DYM: variants seen among roughly 807,000 people sequenced by gnomAD.
DYM encodes the protein dymeclin.
DYM carries 78 observed loss-of-function variants against 93.1 expected under a neutral mutation model. The ratio of observed to expected loss-of-function variants is 0.84; its 90% CI spans 0.70 to 1.01. The LOEUF is 1.01. Among genes scored for constraint, DYM ranks in the 50% least tolerant of loss-of-function variants. The probability of loss-of-function intolerance (pLI) is 0.00; values close to 1 mark genes in which losing one functional copy is unlikely to be tolerated. For synonymous variants in DYM, 321 were observed against 319.7 expected (o/e 1.00, Z -0.04); for missense variants, 789 against 845.0 (o/e 0.93, Z 0.82).
At position 49,299,114 on chromosome 18, in the gene DYM, T is replaced by C. The variant is rs562623141; in HGVS notation, c.764-12498A>G. On this transcript the variant is annotated intron_variant, in intron 8 of 17. Coordinates refer to ENST00000675505, the MANE Select transcript of DYM (RefSeq NM_001353214.3). ...CCCAATGTCATCCCCTAAAGCAGTG[T>C]TTCCCAAAATGGTACACGGATCAAT... Among the ~76,000 whole-genome samples the C allele has an allele frequency of 1.2e-4, 19 of 152,276 alleles. No homozygotes were observed. The South Asian group carries it at 3.9e-3, about 32-fold the overall frequency.
chr18:49,366,121 A>C (rs867900603), intron 5 of DYM, among the ~76,000 whole-genome samples: 3 of 152,310 alleles, frequency 2.0e-5, no homozygotes, highest in African/African-American at 7.2e-5. Context: ...CTTGTTTCTC[A>C]GCTAATCTAG....
At chr18:49,397,803 T>C (rs920508974) in intron 2 of DYM, among the ~76,000 whole-genome samples, 1 of 152,260 alleles carries the variant, frequency 6.6e-6, no homozygotes, top group African/African-American at 2.4e-5. Context: ...TTTAAAAGAA[T>C]GTAAAACATT....
chr18:49,194,463 C>T (rs563255180), intron 14 of DYM, among the ~76,000 whole-genome samples: 13 of 152,294 alleles, frequency 8.5e-5, no homozygotes, highest in Admixed American at 3.9e-4. Flanking sequence ...ATATGAATTT[C>T]ATATCGTTCT....
Position 49,331,951 on chromosome 18 carries a change from C to T in DYM, c.676G>A (p.Glu226Lys). 1 of 1,613,956 alleles carries T rather than the reference C, an allele frequency of 6.2e-7. No individual in the cohort carries two copies. The change falls in exon 8 of 18, where the codon GAA (glutamate) becomes AAA (lysine). Residue 226 changes from glutamate to lysine, a missense_variant. Transcript: ENST00000675505. Reference sequence around the variant, plus strand: ...TGGGCCCCTGGAGGAGGTGGCTTTTCTTGTCTGATAAAGTTATATAATAAG... The same window carrying T: ...TGGGCCCCTGGAGGAGGTGGCTTTTTTTGTCTGATAAAGTTATATAATAAG... ...KTLLYNFIRQ[E>K]KPPPPGAHVF...
chr18:49,105,052 G>A (rs1462996030), intron 16 of DYM, among the ~76,000 whole-genome samples: 2 of 152,188 alleles, frequency 1.3e-5, no homozygotes, highest in East Asian at 1.9e-4. Flanking sequence ...ACTTTTTTTG[G>A]TTGGTAAGCT....
At chr18:49,439,926 A>G (rs1354376911) in intron 1 of DYM, among the ~76,000 whole-genome samples, 2 of 151,750 alleles carry the variant, frequency 1.3e-5, no homozygotes, top group African/African-American at 2.4e-5. Flanking sequence ...ATCACCTGAA[A>G]TCCAGGATTT....
chr18:49,442,155 A>G (rs985646322), intron 1 of DYM, among the ~76,000 whole-genome samples: 2 of 152,180 alleles, frequency 1.3e-5, no homozygotes, highest in Non-Finnish European at 2.9e-5. Flanking sequence ...TTACACAAAG[A>G]GCTTCCAATC....
chr18:49,109,030 T>C (rs28783392), intron 16 of DYM, among the ~76,000 whole-genome samples: 1,132 of 101,166 alleles, frequency 0.011, 4 homozygotes, highest in Non-Finnish European at 0.017. Flanking sequence ...ATCCTACCCC[T>C]TTTTTTTTTT....
intron 8 of DYM, among the ~76,000 whole-genome samples, chr18:49,300,084 T>TAAATATATATATAAATATATAAATAC (rs2060818903): frequency 7.2e-6 from 1 of 138,792 alleles, no homozygotes; most frequent in African/African-American, 2.6e-5. Flanking sequence ...TATATATATA[T>TAAATATATATATAAATATATAAATAC]AAATATATAT....
chr18:49,268,235 T>G (rs937781257), intron 11 of DYM, among the ~76,000 whole-genome samples: 3 of 152,176 alleles, frequency 2.0e-5, no homozygotes, highest in African/African-American at 7.2e-5. Flanking sequence ...GTAGAGAAAC[T>G]TGGTAAAACA....
intron 1 of DYM, among the ~76,000 whole-genome samples, chr18:49,454,068 C>T (rs754697541): frequency 6.6e-6 from 1 of 152,150 alleles, no homozygotes; most frequent in Admixed American, 6.5e-5. Context: ...GAACCACACA[C>T]GGACATGCCT....
At chr18:49,141,269 A>C (rs532862532) in intron 15 of DYM, among the ~76,000 whole-genome samples, 1 of 152,276 alleles carries the variant, frequency 6.6e-6, no homozygotes, top group Admixed American at 6.5e-5. Flanking sequence ...CCCAGCCTCA[A>C]CACTTAGCCC....
At chr18:49,315,446 G>T (rs1407564592) in intron 8 of DYM, among the ~76,000 whole-genome samples, 6 of 152,170 alleles carry the variant, frequency 3.9e-5, no homozygotes, top group Admixed American at 3.9e-4. Flanking sequence ...TATGTACTAT[G>T]AAGATGTATG....
chr18:49,110,855 G>A (rs749072325), intron 16 of DYM, among the ~76,000 whole-genome samples: 5 of 151,922 alleles, frequency 3.3e-5, no homozygotes, highest in East Asian at 1.9e-4. Flanking sequence ...ATCTGATATC[G>A]TCCTATAGCT....
chr18:49,172,535 T>C, intron 14 of DYM, among the ~76,000 whole-genome samples: 1 of 152,220 alleles, frequency 6.6e-6, no homozygotes, highest in East Asian at 1.9e-4. Flanking sequence ...AGTTTTCTAG[T>C]GCTCATATGT....
At chr18:49,279,935 T>A (rs1343427151) in intron 10 of DYM, among the ~76,000 whole-genome samples, 6 of 152,248 alleles carry the variant, frequency 3.9e-5, no homozygotes, top group Admixed American at 6.5e-5. Flanking sequence ...TCTTCACTAT[T>A]TATGCAGTAT....
rs530388459 is a variant in DYM at position 49,356,598 on chromosome 18, T to C, written c.494+6563A>G. The stretch of plus-strand genomic sequence containing the variant: ...AACATGCAGGGCTGTAGAAAGGCAT[T>C]TTCCCAATAGCTAGGCCCTTCGTTG... On this transcript the variant is annotated intron_variant, in intron 6 of 17. Coordinates refer to ENST00000675505, the MANE Select transcript of DYM (RefSeq NM_001353214.3). Among the ~76,000 whole-genome samples the C allele has an allele frequency of 4.6e-5, 7 of 152,300 alleles. No individual in the cohort carries two copies. The East Asian group carries it at 1.4e-3, about 29-fold the overall frequency.
chr18:49,430,447 C>A lies in DYM; in HGVS notation c.-53G>T. 4.4e-6 allele frequency: 7 copies of A among 1,605,112 alleles called. No homozygotes were observed. Among genetic ancestry groups the A allele is most frequent in the Non-Finnish European group, 5.1e-6 (6 of 1,178,064 alleles). ...TTAAACCTGCATTTCCAAAAGACAA[C>A]CTATAAAAAATAAAAATAAAAACTT... is the stretch of plus-strand genomic sequence containing the variant. On this transcript the variant is annotated splice_region_variant and 5_prime_UTR_variant, in exon 2 of 18. Transcript: ENST00000675505.
intron 14 of DYM, among the ~76,000 whole-genome samples, chr18:49,201,532 C>CA (rs1298734427): frequency 2.0e-5 from 3 of 152,132 alleles, no homozygotes; most frequent in African/African-American, 7.2e-5. Flanking sequence ...AAATCATACA[C>CA]AAAAAAAGCC....
Sources: allele counts gnomAD v4.1 joint callset (sites outside exome capture counted in the v4.1 genomes callset), GRCh38; gene constraint gnomAD v4.1.1; transcripts MANE v1.5; gene names NCBI Gene and HGNC (gene_info 2026-07-23, HGNC 2026-07-21).